CNTNAP2: variants seen among roughly 807,000 people sequenced by gnomAD.
CNTNAP2 encodes contactin-associated protein-like 2.
A neutral mutation model predicts 155.2 loss-of-function variants in CNTNAP2; 98 were observed. The ratio of observed to expected loss-of-function variants is 0.63; its 90% confidence interval spans 0.54 to 0.75. The LOEUF (loss-of-function observed/expected upper bound fraction) is 0.75, where lower values mean the gene tolerates loss of function less well. CNTNAP2 is among the 30% of genes least tolerant of loss of function. The pLI is 0.00. For synonymous variants in CNTNAP2, 651 were observed against 631.2 expected (o/e 1.03, Z -0.47); for missense variants, 1,727 against 1,688.1 (o/e 1.02, Z -0.40).
intron 8 of CNTNAP2, among the ~76,000 whole-genome samples, chr7:147,190,361 C>A (rs1802657907): frequency 6.6e-6 from 1 of 151,988 alleles, no homozygotes; most frequent in African/African-American, 2.4e-5. Flanking sequence ...AACTTGTTTT[C>A]TTATTGTGTT....
chr7:146,441,340 T>C (rs1263322875), intron 1 of CNTNAP2, among the ~76,000 whole-genome samples: 5 of 151,534 alleles, frequency 3.3e-5, no homozygotes, highest in Non-Finnish European at 7.4e-5. Flanking sequence ...AGGACTTTCA[T>C]ATTGCAAGAC....
chr7:146,602,925 C>T lies in CNTNAP2; in HGVS notation c.98-171346C>T, dbSNP rs971873297. ...TTAGGAATCCATGTTCCATCTCTTC[C>T]GTTATTCCCAGATAACAGCATGATT... On this transcript the variant is annotated intron_variant, in intron 1 of 23. Transcript: ENST00000361727. Among the ~76,000 whole-genome samples the T allele has an allele frequency of 4.0e-5, 6 of 151,644 alleles. No individual in the cohort carries two copies. The South Asian group carries it at 6.3e-4, about 16-fold the overall frequency.
intron 3 of CNTNAP2, among the ~76,000 whole-genome samples, chr7:146,900,679 C>T (rs1325111685): frequency 1.3e-5 from 2 of 152,188 alleles, no homozygotes; most frequent in Non-Finnish European, 2.9e-5. Flanking sequence ...TGTTTCTCCC[C>T]AGACTCCAAT....
intron 15 of CNTNAP2, among the ~76,000 whole-genome samples, chr7:148,111,444 T>C (rs1266648075): frequency 6.6e-6 from 1 of 151,422 alleles, no homozygotes; most frequent in Non-Finnish European, 1.5e-5. Context: ...ATAGCTGAAA[T>C]TAAAACACAA....
intron 17 of CNTNAP2, among the ~76,000 whole-genome samples, chr7:148,160,256 G>C (rs1350753426): frequency 6.6e-6 from 1 of 151,110 alleles, no homozygotes; most frequent in Non-Finnish European, 1.5e-5. Context: ...AAGAGAAAAT[G>C]ACTACACTAG....
At chr7:146,671,326 A>G (rs1432196757) in intron 1 of CNTNAP2, among the ~76,000 whole-genome samples, 1 of 152,000 alleles carries the variant, frequency 6.6e-6, no homozygotes, top group East Asian at 1.9e-4. Context: ...AGCTACTTTT[A>G]GTCTCTGTCT....
intron 13 of CNTNAP2, among the ~76,000 whole-genome samples, chr7:147,878,549 T>C (rs1484678548): frequency 6.6e-6 from 1 of 152,166 alleles, no homozygotes; most frequent in Non-Finnish European, 1.5e-5. Context: ...AAACTCAAGT[T>C]TATTTTTGTC....
intron 1 of CNTNAP2, among the ~76,000 whole-genome samples, chr7:146,223,911 T>C (rs1799248735): frequency 6.6e-6 from 1 of 152,204 alleles, no homozygotes; most frequent in African/African-American, 2.4e-5. Context: ...TAATTTAGCA[T>C]AGCTTGTGGG....
chr7:147,179,949 T>C lies in CNTNAP2; in HGVS notation c.1348+47440T>C, dbSNP rs372187672. Among the ~76,000 whole-genome samples, 74 of 152,236 alleles carry C rather than the reference T, an allele frequency of 4.9e-4. No homozygotes were observed. The South Asian group carries it at 0.015, about 31-fold the overall frequency. On this transcript the variant is annotated intron_variant, in intron 8 of 23. Transcript: ENST00000361727. ...TTGTGACAAAAGTGAATTGAGTCCA[T>C]AGGAACAGGTGTCAGGGATAGAGGA...
intron 8 of CNTNAP2, among the ~76,000 whole-genome samples, chr7:147,156,462 T>A (rs1801928356): frequency 6.6e-6 from 1 of 152,164 alleles, no homozygotes; most frequent in African/African-American, 2.4e-5. Flanking sequence ...CAATGCAAAA[T>A]TGTCAAATAT....
At chr7:146,738,761 G>A (rs528918271) in intron 1 of CNTNAP2, among the ~76,000 whole-genome samples, 4 of 151,030 alleles carry the variant, frequency 2.6e-5, no homozygotes, top group African/African-American at 7.3e-5. Context: ...CAGCTATCAG[G>A]TTCTGGGCTC....
chr7:146,139,657 C>T (rs1797849672), intron 1 of CNTNAP2, among the ~76,000 whole-genome samples: 1 of 151,910 alleles, frequency 6.6e-6, no homozygotes, highest in African/African-American at 2.4e-5. Flanking sequence ...GTGCTCATTC[C>T]TTCATTCAGT....
intron 12 of CNTNAP2, among the ~76,000 whole-genome samples, chr7:147,595,675 G>C (rs936251006): frequency 6.6e-6 from 1 of 152,154 alleles, no homozygotes; most frequent in Admixed American, 6.5e-5. Flanking sequence ...GCTAGCACTT[G>C]ATCATTTGCG....
At chr7:148,120,034 C>T (rs1804566822) in intron 16 of CNTNAP2, among the ~76,000 whole-genome samples, 1 of 151,560 alleles carries the variant, frequency 6.6e-6, no homozygotes, top group Admixed American at 6.6e-5. Flanking sequence ...CTGACTTCTA[C>T]ATAAGTTGGA....
intron 1 of CNTNAP2, among the ~76,000 whole-genome samples, chr7:146,470,288 CT>C (rs1177578962): frequency 6.6e-6 from 1 of 151,648 alleles, no homozygotes; most frequent in African/African-American, 2.4e-5. Context: ...ATTTTGTTTT[CT>C]TTACCAAGGC....
intron 21 of CNTNAP2, among the ~76,000 whole-genome samples, chr7:148,268,817 T>C (rs1156838660): frequency 1.3e-5 from 2 of 152,056 alleles, no homozygotes; most frequent in Non-Finnish European, 2.9e-5. Context: ...AACTGAACCA[T>C]GAAGAGATTA....
At chr7:147,446,414 G>A (rs1797741098) in intron 10 of CNTNAP2, among the ~76,000 whole-genome samples, 1 of 152,150 alleles carries the variant, frequency 6.6e-6, no homozygotes, top group Admixed American at 6.5e-5. Flanking sequence ...GAAAGTGGTT[G>A]CTGGTTTGAA....
chr7:147,345,692 G>C (rs1264671165), intron 9 of CNTNAP2, among the ~76,000 whole-genome samples: 2 of 151,938 alleles, frequency 1.3e-5, no homozygotes, highest in Non-Finnish European at 2.9e-5. Flanking sequence ...GTTTTTTTCT[G>C]TTTCATTAAA....
intron 22 of CNTNAP2, among the ~76,000 whole-genome samples, chr7:148,392,270 C>T (rs1039264721): frequency 6.5e-5 from 9 of 138,702 alleles, no homozygotes; most frequent in Non-Finnish European, 1.4e-4. Flanking sequence ...GACGGGGTTT[C>T]ACCATGTTGG....
Sources: allele counts gnomAD v4.1 joint callset (sites outside exome capture counted in the v4.1 genomes callset), GRCh38; gene constraint gnomAD v4.1.1; transcripts MANE v1.5; gene names NCBI Gene and HGNC (gene_info 2026-07-23, HGNC 2026-07-21).